The following GALNTL6 variants were observed in gnomAD, a reference collection of about 807,000 sequenced individuals.
GALNTL6 encodes polypeptide N-acetylgalactosaminyltransferase like 6.
In GALNTL6, 46 loss-of-function variants were observed where a neutral mutation model predicts 73.7. The observed-to-expected ratio is 0.62, with a 90% CI of 0.49 to 0.80. GALNTL6 has a LOEUF of 0.80. GALNTL6 is among the 30% of genes least tolerant of loss of function. The probability of loss-of-function intolerance (pLI) is 0.00; values close to 1 mark genes in which losing one functional copy is unlikely to be tolerated. For missense variants in GALNTL6, 604 were observed against 755.0 expected, an observed-to-expected ratio of 0.80 and a Z score of 2.34; for synonymous variants, 259 against 263.7, an observed-to-expected ratio of 0.98 and a Z score of 0.17.
At chr4:171,949,317 T>A (rs776554619) in intron 2 of GALNTL6, among the ~76,000 whole-genome samples, 17 of 152,200 alleles carry the variant, frequency 1.1e-4, no homozygotes, top group Non-Finnish European at 2.4e-4. Context: ...CCTGGGCTCT[T>A]TCTTGAGTGG....
At chr4:172,751,148 G>T (rs6850816) in intron 5 of GALNTL6, among the ~76,000 whole-genome samples, 1 of 152,156 alleles carries the variant, frequency 6.6e-6, no homozygotes, top group Non-Finnish European at 1.5e-5. Flanking sequence ...GCATATGGAA[G>T]TGATAGAAAC....
chr4:172,614,849 A>C (rs1195681367), intron 5 of GALNTL6, among the ~76,000 whole-genome samples: 1 of 152,132 alleles, frequency 6.6e-6, no homozygotes, highest in African/African-American at 2.4e-5. Flanking sequence ...ATTCTAAAAG[A>C]TCATTAGCCA....
intron 2 of GALNTL6, among the ~76,000 whole-genome samples, chr4:171,967,449 T>TTTTTTTTTGTTTG (rs1560863079): frequency 8.3e-6 from 1 of 120,356 alleles, no homozygotes. Context: ...CCCTATGGGT[T>TTTTTTTTTGTTTG]TTTTTTTTTT....
intron 5 of GALNTL6, among the ~76,000 whole-genome samples, chr4:172,424,817 G>C (rs1213965615): frequency 1.3e-5 from 2 of 152,094 alleles, no homozygotes; most frequent in Non-Finnish European, 2.9e-5. Context: ...TGCAAGAGAG[G>C]CTGGAAAATG....
chr4:171,859,820 G>A (rs1249435878), intron 2 of GALNTL6, among the ~76,000 whole-genome samples: 1 of 152,158 alleles, frequency 6.6e-6, no homozygotes, highest in Non-Finnish European at 1.5e-5. Context: ...CTGCAGCCCT[G>A]CCCTGCCTCC....
At chr4:172,628,441 C>T (rs17058683) in intron 5 of GALNTL6, among the ~76,000 whole-genome samples, 21,870 of 151,760 alleles carry the variant, frequency 0.14, 1,790 homozygotes, top group East Asian at 0.25. Flanking sequence ...TTAAACTCTG[C>T]TGCAGGTAGG....
intron 2 of GALNTL6, among the ~76,000 whole-genome samples, chr4:172,031,696 A>T (rs1463902034): frequency 6.6e-6 from 1 of 151,964 alleles, no homozygotes; most frequent in Non-Finnish European, 1.5e-5. Context: ...CTGGCTTTCA[A>T]GTCCTCAGCC....
chr4:172,848,003 C>T lies in GALNTL6; in HGVS notation c.923+34280C>T, dbSNP rs565170107. On this transcript the variant is annotated intron_variant, in intron 7 of 12. Transcript: ENST00000506823. ...CCATAGGCAATTGTATTATGTACAT[C>T]TAGAAGCTTTAATCATTATGTATAC... is the stretch of plus-strand genomic sequence containing the variant. Among the ~76,000 whole-genome samples, 104 of 152,294 alleles carry T rather than the reference C, an allele frequency of 6.8e-4. No individual in the cohort carries two copies. The South Asian group carries it at 0.021, about 31-fold the overall frequency.
chr4:172,467,896 T>C (rs577482254), intron 5 of GALNTL6, among the ~76,000 whole-genome samples: 10 of 148,230 alleles, frequency 6.7e-5, no homozygotes, highest in East Asian at 1.9e-4. Context: ...TTCTTTCTTT[T>C]TTTTTTTTTT....
chr4:172,911,338 G>T (rs1747191038), intron 8 of GALNTL6, among the ~76,000 whole-genome samples: 3 of 152,208 alleles, frequency 2.0e-5, no homozygotes, highest in Non-Finnish European at 2.9e-5. Flanking sequence ...TTATGCCAAG[G>T]ATGATTCTAA....
intron 2 of GALNTL6, among the ~76,000 whole-genome samples, chr4:172,171,609 G>A (rs559083605): frequency 2.6e-5 from 4 of 151,740 alleles, no homozygotes; most frequent in South Asian, 2.1e-4. Context: ...CAGGGGGATC[G>A]GTTGAGCTCA....
intron 2 of GALNTL6, among the ~76,000 whole-genome samples, chr4:171,819,425 T>C (rs1396447956): frequency 6.6e-6 from 1 of 152,196 alleles, no homozygotes; most frequent in Non-Finnish European, 1.5e-5. Flanking sequence ...AAATAATTTT[T>C]CCCCTCTATT....
intron 12 of GALNTL6, among the ~76,000 whole-genome samples, chr4:173,023,824 T>A (rs1446796076): frequency 2.0e-5 from 3 of 152,182 alleles, no homozygotes; most frequent in Admixed American, 6.5e-5. Flanking sequence ...AAATGATTCA[T>A]CTTATCAAAC....
At chr4:172,234,692 T>A (rs902058541) in intron 3 of GALNTL6, among the ~76,000 whole-genome samples, 2 of 152,192 alleles carry the variant, frequency 1.3e-5, no homozygotes, top group African/African-American at 4.8e-5. Context: ...CTACATTTGA[T>A]TTGTTAATAT....
chr4:172,840,066 C>G (rs1306746939), intron 7 of GALNTL6, among the ~76,000 whole-genome samples: 1 of 152,090 alleles, frequency 6.6e-6, no homozygotes, highest in Non-Finnish European at 1.5e-5. Flanking sequence ...TAAAAATAAA[C>G]ACATCCACAG....
At chr4:172,919,616 A>T (rs1224933206) in intron 8 of GALNTL6, among the ~76,000 whole-genome samples, 1 of 152,230 alleles carries the variant, frequency 6.6e-6, no homozygotes, top group Non-Finnish European at 1.5e-5. Context: ...TCAACTTTTT[A>T]AAAATGTTTT....
At chr4:172,971,280 C>G (rs1174580072) in intron 10 of GALNTL6, among the ~76,000 whole-genome samples, 1 of 152,156 alleles carries the variant, frequency 6.6e-6, no homozygotes, top group Non-Finnish European at 1.5e-5. Flanking sequence ...CTGTGATATT[C>G]TGTTATAGCC....
At chr4:172,476,988 G>T (rs1377981243) in intron 5 of GALNTL6, among the ~76,000 whole-genome samples, 1 of 141,260 alleles carries the variant, frequency 7.1e-6, no homozygotes, top group Non-Finnish European at 1.5e-5. Flanking sequence ...GCAGTGGCAC[G>T]ATCTCGGCTC....
intron 2 of GALNTL6, among the ~76,000 whole-genome samples, chr4:171,962,439 T>C (rs535283437): frequency 1.3e-5 from 2 of 152,278 alleles, no homozygotes; most frequent in Non-Finnish European, 1.5e-5. Context: ...GCAATGAAAG[T>C]GACCTCTGGT....
Sources: allele counts gnomAD v4.1 joint callset (sites outside exome capture counted in the v4.1 genomes callset), GRCh38; gene constraint gnomAD v4.1.1; transcripts MANE v1.5; gene names NCBI Gene and HGNC (gene_info 2026-07-23, HGNC 2026-07-21).